EGFLAM: variants seen among roughly 807,000 people sequenced by gnomAD.
The protein encoded by EGFLAM is pikachurin.
A neutral mutation model predicts 113.1 loss-of-function variants in EGFLAM; 79 were observed. The ratio of observed to expected loss-of-function variants is 0.70; its 90% CI spans 0.58 to 0.84. The LOEUF (loss-of-function observed/expected upper bound fraction) is 0.84. EGFLAM is among the 40% of genes least tolerant of loss of function. The probability of loss-of-function intolerance (pLI) is 0.00; values close to 1 mark genes in which losing one functional copy is unlikely to be tolerated. For missense variants in EGFLAM, 1,265 were observed against 1,291.6 expected (o/e 0.98, Z 0.32); for synonymous variants, 504 against 487.6 (o/e 1.03, Z -0.44).
intron 11 of EGFLAM, among the ~76,000 whole-genome samples, chr5:38,414,953 T>G (rs540292515): frequency 2.4e-4 from 36 of 152,312 alleles, no homozygotes; most frequent in African/African-American, 8.2e-4. Context: ...AAGGCATAAC[T>G]TATCTAAACT....
chr5:38,448,370 T>C lies in EGFLAM; in HGVS notation c.2534T>C (p.Ile845Thr), dbSNP rs1193836163. The C allele has an allele frequency of 1.9e-6, 3 of 1,614,006 alleles. No homozygotes were observed. In the African/African-American group the frequency reaches 4.0e-5, roughly 22 times the overall value. ...RSYLTYDNPD[I>T]LKRVSGSRSN... ...TACCTGACGTATGACAACCCAGATATCTTGAAGAGGTAATAAGCTTCAACA... is the reference window on the plus strand; with the variant it reads ...TACCTGACGTATGACAACCCAGATACCTTGAAGAGGTAATAAGCTTCAACA... Residue 845 changes from isoleucine (I) to threonine (T), a missense_variant, in exon 18 of 22, where the codon ATC (isoleucine) becomes ACC (threonine). Transcript: ENST00000322350.
intron 1 of EGFLAM, among the ~76,000 whole-genome samples, chr5:38,296,832 A>C (rs1758462491): frequency 6.6e-6 from 1 of 152,128 alleles, no homozygotes; most frequent in Non-Finnish European, 1.5e-5. Context: ...CATCACCAGT[A>C]ATAAGACATA....
rs773572869 is a variant in EGFLAM at position 38,352,201 on chromosome 5, T to G, written c.415T>G (p.Cys139Gly). ...RHVTTLSQDS[C>G]LPPAAPQQPH... ...GTGTTTGTCATCCCACCTAGATTCC[T>G]GCCTGCCTCCTGCAGCTCCCCAGCA... is the stretch of plus-strand genomic sequence containing the variant. The change falls in exon 5 of 22, where the codon TGC becomes GGC. Residue 139 changes from cysteine (C) to glycine (G), a missense_variant. Cys to Gly is a radical substitution (Grantham distance 159, BLOSUM62 -3). Coordinates refer to ENST00000322350, the MANE Select transcript of EGFLAM (RefSeq NM_152403.4). 9.7e-5 allele frequency: 156 copies of G among 1,614,018 alleles called. No individual in the cohort carries two copies. Among genetic ancestry groups the G allele is most frequent in the Non-Finnish European group, 1.3e-4 (148 of 1,179,996 alleles).
At chr5:38,412,045 C>A (rs1489141691) in intron 10 of EGFLAM, among the ~76,000 whole-genome samples, 1 of 152,116 alleles carries the variant, frequency 6.6e-6, no homozygotes. Flanking sequence ...GGTGATCCGC[C>A]CGCCTTCGCC....
At chr5:38,374,194 T>G (rs765480738) in intron 6 of EGFLAM, among the ~76,000 whole-genome samples, 2 of 152,210 alleles carry the variant, frequency 1.3e-5, no homozygotes, top group Admixed American at 6.5e-5. Flanking sequence ...CTGTTCATGC[T>G]GTAACCACCC....
chr5:38,336,570 TACACAC>T (rs148241267), intron 1 of EGFLAM, among the ~76,000 whole-genome samples: 7 of 142,270 alleles, frequency 4.9e-5, no homozygotes, highest in South Asian at 4.5e-4. Flanking sequence ...TGAGACTCCG[TACACAC>T]ACACACACAC....
chr5:38,287,082 C>A (rs2111776667), intron 1 of EGFLAM, among the ~76,000 whole-genome samples: 1 of 152,336 alleles, frequency 6.6e-6, no homozygotes, highest in East Asian at 1.9e-4. Context: ...CTTTGGTTTA[C>A]AAAATTCTTG....
chr5:38,396,624 GT>G (rs1740968881), intron 6 of EGFLAM, among the ~76,000 whole-genome samples: 1 of 152,224 alleles, frequency 6.6e-6, no homozygotes, highest in Admixed American at 6.5e-5. Context: ...GTTTAGAAAT[GT>G]TTTAATCACC....
At chr5:38,399,285 T>G (rs1436763201) in intron 6 of EGFLAM, among the ~76,000 whole-genome samples, 1 of 147,816 alleles carries the variant, frequency 6.8e-6, no homozygotes, top group Non-Finnish European at 1.5e-5. Flanking sequence ...TCGTTTTTTT[T>G]TTTTTTTTTT....
Position 38,406,838 on chromosome 5 carries a change from T to C in EGFLAM, c.839T>C (p.Leu280Pro). ...LDISFEEVKP[L>P]PATKGGNKKF... is the part of the protein sequence containing the mutation. Reference sequence around the variant, plus strand: ...CTTCTCTGGCTTTAGGTTAAACCACTTCCTGCTACCAAAGGAGGGAATAAG... The same window carrying C: ...CTTCTCTGGCTTTAGGTTAAACCACCTCCTGCTACCAAAGGAGGGAATAAG... The change falls in exon 8 of 22, where the codon CTT becomes CCT. Residue 280 changes from leucine to proline, a missense_variant. Coordinates refer to ENST00000322350, the MANE Select transcript of EGFLAM (RefSeq NM_152403.4). 1 of 1,613,708 alleles carries C rather than the reference T, an allele frequency of 6.2e-7. No individual in the cohort carries two copies. Among genetic ancestry groups the C allele is most frequent in the Non-Finnish European group, 8.5e-7 (1 of 1,179,704 alleles).
At chr5:38,385,600 T>C (rs1323548477) in intron 6 of EGFLAM, among the ~76,000 whole-genome samples, 1 of 152,154 alleles carries the variant, frequency 6.6e-6, no homozygotes, top group Non-Finnish European at 1.5e-5. Flanking sequence ...CTGATACTGA[T>C]GTGGAGGGTC....
intron 1 of EGFLAM, among the ~76,000 whole-genome samples, chr5:38,309,045 G>A (rs1197645688): frequency 1.3e-5 from 2 of 152,200 alleles, no homozygotes; most frequent in African/African-American, 2.4e-5. Context: ...CAAACCAGCT[G>A]CCAACATAGC....
At chr5:38,351,212 G>A (rs528898724) in intron 4 of EGFLAM, among the ~76,000 whole-genome samples, 2 of 151,446 alleles carry the variant, frequency 1.3e-5, no homozygotes, top group Non-Finnish European at 2.9e-5. Flanking sequence ...GGGTTCAAGC[G>A]ATTCTTCTGC....
At chr5:38,454,145 C>T (rs1402285190) in intron 19 of EGFLAM, among the ~76,000 whole-genome samples, 3 of 152,186 alleles carry the variant, frequency 2.0e-5, no homozygotes, top group Admixed American at 6.5e-5. Flanking sequence ...GGGCTGTTAT[C>T]CCACCACATC....
chr5:38,265,273 C>A (rs1757604945), intron 1 of EGFLAM, among the ~76,000 whole-genome samples: 1 of 152,170 alleles, frequency 6.6e-6, no homozygotes. Flanking sequence ...GGCTAGATTT[C>A]TGGAAGACTG....
chr5:38,354,464 C>G (rs1464453772), intron 5 of EGFLAM, among the ~76,000 whole-genome samples: 1 of 152,200 alleles, frequency 6.6e-6, no homozygotes, highest in Non-Finnish European at 1.5e-5. Context: ...CGCGGTGGCT[C>G]ACGCCTGTAA....
intron 1 of EGFLAM, among the ~76,000 whole-genome samples, chr5:38,336,570 T>TACACAGACACACACAC (rs1739191051): frequency 7.0e-6 from 1 of 142,186 alleles, no homozygotes; most frequent in African/African-American, 2.7e-5. Context: ...TGAGACTCCG[T>TACACAGACACACACAC]ACACACACAC....
chr5:38,294,003 T>C (rs2111802972), intron 1 of EGFLAM, among the ~76,000 whole-genome samples: 1 of 152,340 alleles, frequency 6.6e-6, no homozygotes, highest in South Asian at 2.1e-4. Flanking sequence ...TAACCAGCTA[T>C]TGCTTTATGG....
chr5:38,403,903 G>T, intron 6 of EGFLAM: 14 of 1,613,774 alleles, frequency 8.7e-6, no homozygotes, highest in Non-Finnish European at 1.2e-5. Flanking sequence ...TATAAATCTG[G>T]CATCGACAGG....
Sources: gnomAD v4.1 joint callset for allele counts (sites outside exome capture counted in the v4.1 genomes callset) on GRCh38, gnomAD v4.1.1 for gene constraint, MANE v1.5 for transcripts, NCBI Gene and HGNC (gene_info 2026-07-23, HGNC 2026-07-21) for gene names.